The following VAV1 variants were observed in gnomAD, a reference collection of about 807,000 sequenced individuals.
VAV1 encodes the protein vav guanine nucleotide exchange factor 1.
Under a neutral mutation model 128.1 loss-of-function variants are expected in VAV1, and 33 were observed. That is an observed-to-expected ratio of 0.26 (90% CI 0.20 to 0.34). The LOEUF (loss-of-function observed/expected upper bound fraction) is 0.34, where lower values mean the gene tolerates loss of function less well. Among genes scored for constraint, VAV1 ranks in the 10% least tolerant of loss-of-function variants. VAV1 has a pLI of 1.00. For missense variants in VAV1, 715 were observed against 1,093.7 expected, an observed-to-expected ratio of 0.65 and a Z score of 4.88; for synonymous variants, 394 against 409.8, an observed-to-expected ratio of 0.96 and a Z score of 0.47.
intron 1 of VAV1, among the ~76,000 whole-genome samples, chr19:6,808,385 G>T (rs1251907747): frequency 6.6e-6 from 1 of 152,118 alleles, no homozygotes; most frequent in Non-Finnish European, 1.5e-5. Context: ...ACAGGCATAA[G>T]CTTGGGTCAT....
chr19:6,839,510 T>C (rs940629104), intron 21 of VAV1, among the ~76,000 whole-genome samples: 22 of 151,684 alleles, frequency 1.5e-4, no homozygotes, highest in Admixed American at 9.9e-4. Context: ...TCAAATGATC[T>C]GCCTGCCTCG....
chr19:6,821,815 T>G lies in VAV1; in HGVS notation c.405T>G (p.Ser135Arg). ...GIMPFPTEEE[S>R]VGDEDIYSGL... is the part of the protein sequence containing the mutation. ...GGCCCTTCCCCACCGAGGAGGAGAG[T>G]GTAGGTGATGAAGACATCTACAGTG... The change falls in exon 4 of 27, where the codon AGT becomes AGG. Residue 135 changes from serine (S) to arginine (R), a missense_variant. Physicochemically the swap from Ser to Arg is moderately radical, Grantham distance 110. Around this residue, in one of 3 missense-constraint regions of VAV1, gnomAD observed 302 missense variants for 477.8 expected, o/e 0.63. Coordinates refer to ENST00000602142, the MANE Select transcript of VAV1 (RefSeq NM_005428.4). 1 of 1,613,102 alleles carries G rather than the reference T, an allele frequency of 6.2e-7. No individual in the cohort carries two copies. The highest frequency in any genetic ancestry group is 8.5e-7 in the Non-Finnish European group (1 of 1,179,766).
chr19:6,818,457 T>G (rs1325972642), intron 1 of VAV1, among the ~76,000 whole-genome samples: 2 of 152,200 alleles, frequency 1.3e-5, no homozygotes, highest in African/African-American at 2.4e-5. Context: ...ATGGGCCTCC[T>G]TGCTGTTCCT....
At chr19:6,849,644 C>T (rs1041866942) in intron 23 of VAV1, among the ~76,000 whole-genome samples, 1 of 152,026 alleles carries the variant, frequency 6.6e-6, no homozygotes, top group African/African-American at 2.4e-5. Flanking sequence ...TCCATGTGTA[C>T]CCAATGTTTA....
Position 6,854,077 on chromosome 19 carries a change from G to T in VAV1, c.2463G>T (p.Trp821Cys). 6.2e-7 allele frequency: 1 copy of T among 1,613,476 alleles called. No homozygotes were observed. The stretch of plus-strand genomic sequence containing the variant: ...ACAAGAAGGGACAGCAAGGCTGGTG[G>T]CGAGGGGAGATCTATGGCCGGGTGA... The part of the protein sequence containing the change: ...ILNKKGQQGW[W>C]RGEIYGRVGW... Residue 821 changes from tryptophan to cysteine, a missense_variant, in exon 26 of 27, where the codon TGG (tryptophan) becomes TGT (cysteine). This residue lies in a region of VAV1 where 407 missense variants were observed against 580.6 expected (regional missense o/e 0.70). Coordinates refer to ENST00000602142, the MANE Select transcript of VAV1 (RefSeq NM_005428.4).
At chr19:6,791,940 G>A (rs542657317) in intron 1 of VAV1, among the ~76,000 whole-genome samples, 54 of 151,944 alleles carry the variant, frequency 3.6e-4, no homozygotes, top group African/African-American at 1.3e-3. Context: ...AGTGGAGGGA[G>A]AGTGGTAAAG....
At chr19:6,846,802 G>GTTATATATTATTATATAATGA (rs956518777) in intron 22 of VAV1, among the ~76,000 whole-genome samples, 1 of 146,298 alleles carries the variant, frequency 6.8e-6, no homozygotes, top group Non-Finnish European at 1.5e-5. Flanking sequence ...ACAATAGATA[G>GTTATATATTATTATATAATGA]TTATATATTA....
At chr19:6,783,852 G>T (rs762526877) in intron 1 of VAV1, among the ~76,000 whole-genome samples, 29 of 152,098 alleles carry the variant, frequency 1.9e-4, no homozygotes, top group Non-Finnish European at 3.7e-4. Context: ...ACTGGAGCTG[G>T]GGATAAAAAG....
chr19:6,795,468 TTTTA>T (rs56844379), intron 1 of VAV1, among the ~76,000 whole-genome samples: 1,802 of 151,190 alleles, frequency 0.012, 38 homozygotes, highest in African/African-American at 0.04. Context: ...GGCGTAGTTC[TTTTA>T]TTTATTTATT....
chr19:6,812,515 C>G (rs1971535584), intron 1 of VAV1, among the ~76,000 whole-genome samples: 1 of 152,090 alleles, frequency 6.6e-6, no homozygotes, highest in Non-Finnish European at 1.5e-5. Flanking sequence ...CAAAAATTAG[C>G]AGGGCATGGT....
At chr19:6,835,210 TACATAC>T (rs769639780) in intron 19 of VAV1, among the ~76,000 whole-genome samples, 6 of 72,074 alleles carry the variant, frequency 8.3e-5, no homozygotes, top group South Asian at 6.1e-4. Flanking sequence ...TATATATATA[TACATAC>T]ACACACACAC....
rs1163986023 is a variant in VAV1, at chr19:6,828,738, G to C, written c.1179+30G>C. The stretch of plus-strand genomic sequence containing the variant: ...GGCGGTGGAGCCGGGTGGGCCAGGG[G>C]TGTGGCCACGTGGGGAGAGTGTGTG... On this transcript the variant is annotated intron_variant, in intron 12 of 26. Transcript: ENST00000602142. The surrounding 1 kb of genome is among the most constrained non-coding windows in gnomAD (Gnocchi z 4.5). 1 of 1,614,044 alleles carries C rather than the reference G, an allele frequency of 6.2e-7. No individual in the cohort carries two copies. The highest frequency in any genetic ancestry group is 2.2e-5 in the East Asian group (1 of 44,886).
intron 24 of VAV1, among the ~76,000 whole-genome samples, chr19:6,851,365 A>G (rs935182128): frequency 6.6e-6 from 1 of 151,840 alleles, no homozygotes; most frequent in Non-Finnish European, 1.5e-5. Context: ...TTTTTTTTGT[A>G]GAGATGGGGA....
intron 1 of VAV1, among the ~76,000 whole-genome samples, chr19:6,813,661 A>G (rs1376310540): frequency 1.3e-5 from 2 of 152,038 alleles, no homozygotes; most frequent in African/African-American, 4.8e-5. Context: ...AAATCTTAGG[A>G]TTTGTATGTC....
intron 21 of VAV1, 39 bp from the exon 22 acceptor site, chr19:6,843,096 G>T: frequency 6.2e-7 from 1 of 1,610,632 alleles, no homozygotes; most frequent in Non-Finnish European, 8.5e-7. Context: ...TCAAGCTGGG[G>T]TCTTTACACT....
chr19:6,853,799 C>G, intron 25 of VAV1, 148 bp from the exon 26 acceptor site: 1 of 928,860 alleles, frequency 1.1e-6, no homozygotes, highest in South Asian at 2.1e-5. Flanking sequence ...AATTGTGTCC[C>G]CTTACAGTAC....
chr19:6,835,208 TATAC>T (rs1403997131), intron 19 of VAV1, among the ~76,000 whole-genome samples: 138 of 85,512 alleles, frequency 1.6e-3, no homozygotes, highest in Admixed American at 2.2e-3. Flanking sequence ...TGTATATATA[TATAC>T]ATACACACAC....
Position 6,826,737 on chromosome 19 carries a change from G to A in VAV1, c.927+26G>A, listed in dbSNP as rs367751785. ...GTGGGCGCCGGGCCACTTCTCGGGG[G>A]CCTCTCCCGCTCCTCCCCAGGCCCT... On this transcript the variant is annotated intron_variant, in intron 9 of 26. Coordinates refer to ENST00000602142, the MANE Select transcript of VAV1 (RefSeq NM_005428.4). This position sits in a 1 kb window ranked among gnomAD's most constrained non-coding sequence, Gnocchi z 4.1. The A allele has an allele frequency of 6.6e-7, 1 of 1,517,046 alleles. No homozygotes were observed. The highest frequency in any genetic ancestry group is 8.9e-7 in the Non-Finnish European group (1 of 1,127,636). 94.0% of individuals were successfully genotyped at this position (1,517,046 alleles called of 1,614,324 possible).
intron 19 of VAV1, among the ~76,000 whole-genome samples, chr19:6,834,573 T>C (rs1180072290): frequency 6.8e-6 from 1 of 146,638 alleles, no homozygotes; most frequent in Admixed American, 6.9e-5. Context: ...AATATATGTA[T>C]TTTATTAAAT....
Sources: allele counts gnomAD v4.1 joint callset (sites outside exome capture counted in the v4.1 genomes callset), GRCh38; gene constraint gnomAD v4.1.1; regional missense constraint gnomAD v4.1.1; non-coding constraint Gnocchi (gnomAD v3.1); transcripts MANE v1.5; gene names NCBI Gene and HGNC (gene_info 2026-07-23, HGNC 2026-07-21).